Variants in AAK1 observed in about 807,000 individuals in gnomAD.
AAK1 encodes AP2 associated kinase 1.
AAK1 carries 37 observed loss-of-function variants against 116.0 expected under a neutral mutation model. The ratio of observed to expected loss-of-function variants is 0.32; its 90% CI spans 0.25 to 0.42. AAK1 has a LOEUF of 0.42. AAK1 is among the 10% of genes least tolerant of loss of function. The probability of loss-of-function intolerance (pLI) is 1.00; values close to 1 mark genes in which losing one functional copy is unlikely to be tolerated. For missense variants in AAK1, 919 were observed against 1,170.6 expected, an observed-to-expected ratio of 0.79 and a Z score of 3.14; for synonymous variants, 458 against 439.9, an observed-to-expected ratio of 1.04 and a Z score of -0.51.
intron 16 of AAK1, chr2:69,500,072 TA>T (rs1558912907): frequency 6.6e-6 from 1 of 152,216 alleles, no homozygotes; most frequent in East Asian, 1.9e-4. Context: ...ATGTTTAATA[TA>T]GCCCCGTGCC....
chr2:69,637,847 G>A (rs1675518573), intron 2 of AAK1, among the ~76,000 whole-genome samples: 1 of 152,052 alleles, frequency 6.6e-6, no homozygotes, highest in African/African-American at 2.4e-5. Context: ...GGGTACAAGT[G>A]TATGTCTCCC....
At position 69,495,930 on chromosome 2, in the gene AAK1, G is replaced by C. The variant is rs376148783; in HGVS notation, c.2365+55C>G. 3.4e-5 allele frequency: 49 copies of C among 1,427,520 alleles called. 1 individual carries two copies. The African/African-American group carries it at 5.3e-4, about 15-fold the overall frequency. The allele number at this position is 1,427,520 out of a possible 1,614,324, so 88.4% of individuals were successfully genotyped here. A position where few individuals can be genotyped will look rare whatever the true frequency, so the allele number is the denominator to read the frequency against. ...GTATTTAAGGCAGAACTTTCTACAAGGCCTGGGACATGCAAATCAAGCTGC... is the reference window on the plus strand; with the variant it reads ...GTATTTAAGGCAGAACTTTCTACAACGCCTGGGACATGCAAATCAAGCTGC... On this transcript the variant is annotated intron_variant, in intron 17 of 21. Transcript: ENST00000409085.
chr2:69,532,970 A>G (rs1202854206), intron 5 of AAK1, among the ~76,000 whole-genome samples: 1 of 152,166 alleles, frequency 6.6e-6, no homozygotes, highest in African/African-American at 2.4e-5. Context: ...AGTGGGCACT[A>G]TGTACTCAAG....
chr2:69,485,731 C>A (rs1267610491), intron 17 of AAK1, among the ~76,000 whole-genome samples: 1 of 93,496 alleles, frequency 1.1e-5, no homozygotes, highest in Admixed American at 1.3e-4. Flanking sequence ...ACAATTTCGG[C>A]TCACTTGCAA....
chr2:69,538,301 G>A (rs762857341), intron 5 of AAK1, among the ~76,000 whole-genome samples: 6 of 152,204 alleles, frequency 3.9e-5, no homozygotes, highest in East Asian at 1.9e-4. Flanking sequence ...AGTTTGCTCC[G>A]CATTCCCCTG....
At chr2:69,587,055 C>A (rs1046442030) in intron 2 of AAK1, among the ~76,000 whole-genome samples, 6 of 151,856 alleles carry the variant, frequency 4.0e-5, no homozygotes, top group African/African-American at 1.5e-4. Context: ...TTTTCTAAAG[C>A]AAACCTGCCT....
chr2:69,594,406 G>C (rs1673170789), intron 2 of AAK1, among the ~76,000 whole-genome samples: 1 of 152,204 alleles, frequency 6.6e-6, no homozygotes, highest in African/African-American at 2.4e-5. Context: ...GGACAGTCAT[G>C]TTATCGTGAG....
At chr2:69,518,427 T>G (rs545643450) in intron 12 of AAK1, among the ~76,000 whole-genome samples, 3,107 of 150,672 alleles carry the variant, frequency 0.021, 91 homozygotes, top group African/African-American at 0.05. Context: ...TTTTTTTTTT[T>G]TTTTTTTTTG....
chr2:69,587,348 C>CAT (rs762653351), intron 2 of AAK1, among the ~76,000 whole-genome samples: 1 of 144,770 alleles, frequency 6.9e-6, no homozygotes, highest in African/African-American at 2.7e-5. Context: ...TGCACACACA[C>CAT]ATATATACAC....
chr2:69,470,374 C>A lies in AAK1; in HGVS notation c.*5495G>T. 1 of 985,326 alleles carries A rather than the reference C, an allele frequency of 1.0e-6. No homozygotes were observed. Among genetic ancestry groups the A allele is most frequent in the Non-Finnish European group, 1.2e-6 (1 of 829,924 alleles). 61.0% of individuals were successfully genotyped at this position (985,326 alleles called of 1,614,324 possible). A position where few individuals can be genotyped will look rare whatever the true frequency, so the allele number is the denominator to read the frequency against. ...GAACCAAACTGGGGAAATCAAGAGACGTACATCAAACTAATAATTACCATG... is the reference window on the plus strand; with the variant it reads ...GAACCAAACTGGGGAAATCAAGAGAAGTACATCAAACTAATAATTACCATG... On this transcript the variant is annotated 3_prime_UTR_variant, in exon 22 of 22. Coordinates refer to ENST00000409085, the MANE Select transcript of AAK1 (RefSeq NM_014911.5).
At chr2:69,640,104 T>A (rs1573036213) in intron 2 of AAK1, among the ~76,000 whole-genome samples, 1 of 149,728 alleles carries the variant, frequency 6.7e-6, no homozygotes, top group East Asian at 2.0e-4. Context: ...ATACATATGA[T>A]GTATAACGTT....
At chr2:69,614,838 G>A (rs903578040) in intron 2 of AAK1, among the ~76,000 whole-genome samples, 2 of 152,116 alleles carry the variant, frequency 1.3e-5, no homozygotes, top group African/African-American at 4.8e-5. Flanking sequence ...TGCAAAAACT[G>A]AGACAGGGAC....
rs970946876 is a variant in AAK1 at position 69,463,118 on chromosome 2, A to T, written c.*12751T>A. ...CTGAACTTTAAAGAATATCACACCT[A>T]ATCAACCGCAATAGAATTGGGCATT... On this transcript the variant is annotated 3_prime_UTR_variant, in exon 22 of 22. Transcript: ENST00000409085. 8 of 152,196 alleles carry T rather than the reference A, an allele frequency of 5.3e-5. No homozygotes were observed. The highest frequency in any genetic ancestry group is 3.9e-4 in the Admixed American group (6 of 15,286). 9.4% of individuals were successfully genotyped at this position (152,196 alleles called of 1,614,324 possible). A position where few individuals can be genotyped will look rare whatever the true frequency, so the allele number is the denominator to read the frequency against.
At chr2:69,575,688 G>A (rs928708048) in intron 2 of AAK1, among the ~76,000 whole-genome samples, 31 of 151,984 alleles carry the variant, frequency 2.0e-4, no homozygotes, top group Non-Finnish European at 4.6e-4. Context: ...GGCTGGTCTC[G>A]AACTCTTAAC....
chr2:69,634,866 T>G (rs192686171), intron 2 of AAK1, among the ~76,000 whole-genome samples: 95 of 152,302 alleles, frequency 6.2e-4, no homozygotes, highest in African/African-American at 2.2e-3. Flanking sequence ...GGTCTTTTTT[T>G]GAGGAACAAA....
chr2:69,520,292 T>C (rs1359125198), intron 11 of AAK1: 2 of 154,958 alleles, frequency 1.3e-5, no homozygotes, highest in African/African-American at 4.8e-5. Context: ...TTAGTGGTTT[T>C]GGAGATCCAT....
At position 69,530,009 on chromosome 2, in the gene AAK1, A is replaced by G; in HGVS notation, c.870T>C (p.Ile290=). The part of the protein sequence containing the change: ...SRYSQDMHCL[I]RYMLEPDPDK... ...AAACTAGAAACTTAAAATACTTACTAATTAGGCAGTGCATGTCTTGAGAAT... is the reference window on the plus strand; with the variant it reads ...AAACTAGAAACTTAAAATACTTACTGATTAGGCAGTGCATGTCTTGAGAAT... The change falls in exon 8 of 22, where the codon ATT becomes ATC. Residue 290 remains isoleucine (I), a splice_region_variant and synonymous_variant. Transcript: ENST00000409085. 6.4e-7 allele frequency: 1 copy of G among 1,559,010 alleles called. No homozygotes were observed.
rs752750876 is a variant in AAK1, at chr2:69,467,102, C to A, written c.*8767G>T. ...TCACAAGCACTACTCAAAGAGCATA[C>A]GAGTGCCCAAAATATAAATACTGAA... On this transcript the variant is annotated 3_prime_UTR_variant, in exon 22 of 22. Coordinates refer to ENST00000409085, the MANE Select transcript of AAK1 (RefSeq NM_014911.5). 1 of 985,266 alleles carries A rather than the reference C, an allele frequency of 1.0e-6. No individual in the cohort carries two copies. The highest frequency in any genetic ancestry group is 1.7e-5 in the African/African-American group (1 of 57,222). The allele number at this position is 985,266 out of a possible 1,614,324, so 61.0% of individuals were successfully genotyped here.
Position 69,465,601 on chromosome 2 carries a change from C to A in AAK1, c.*10268G>T, listed in dbSNP as rs941613413. On this transcript the variant is annotated 3_prime_UTR_variant, in exon 22 of 22. Transcript: ENST00000409085. ...ATGGGCTGGGCTTCTGGACTTGGCT[C>A]GTCTTCTGGGCTATAGTGACGGGAA... 1.4e-5 allele frequency: 18 copies of A among 1,290,844 alleles called. No individual in the cohort carries two copies. The highest frequency in any genetic ancestry group is 1.8e-5 in the Non-Finnish European group (18 of 988,898). 80.0% of individuals were successfully genotyped at this position (1,290,844 alleles called of 1,614,324 possible).
Sources: gnomAD v4.1 joint callset for allele counts (sites outside exome capture counted in the v4.1 genomes callset) on GRCh38, gnomAD v4.1.1 for gene constraint, MANE v1.5 for transcripts, NCBI Gene and HGNC (gene_info 2026-07-23, HGNC 2026-07-21) for gene names.